OTOGL: variants seen among roughly 807,000 people sequenced by gnomAD.
OTOGL encodes the protein otogelin like, also known as otogelin-like protein.
In OTOGL, 285 loss-of-function variants were observed where a neutral mutation model predicts 318.5. That is an observed-to-expected ratio of 0.89 (90% CI 0.81 to 0.99). The LOEUF (loss-of-function observed/expected upper bound fraction) is 0.99, where lower values mean the gene tolerates loss of function less well. Ranked by LOEUF, OTOGL falls within the 50% of genes least tolerant of loss-of-function variation. OTOGL has a pLI of 0.00. For missense variants in OTOGL, 2,899 were observed against 2,845.6 expected (o/e 1.02, Z -0.43); for synonymous variants, 987 against 936.5 (o/e 1.05, Z -0.99).
At chr12:80,185,818 G>A (rs1034478580) in intron 1 of OTOGL, among the ~76,000 whole-genome samples, 2 of 152,102 alleles carry the variant, frequency 1.3e-5, no homozygotes, top group Non-Finnish European at 2.9e-5. Flanking sequence ...AGTCTATATA[G>A]AAAAATGTAA....
At chr12:80,323,981 A>T in intron 35 of OTOGL, 141 bp downstream of exon 35, 3 of 677,344 alleles carry the variant, frequency 4.4e-6, no homozygotes, top group Non-Finnish European at 5.0e-6. Flanking sequence ...TTTCGCTTAA[A>T]TCAAGAAGTA....
chr12:80,262,068 C>A lies in OTOGL; in HGVS notation c.1989C>A (p.Asp663Glu), dbSNP rs1393312612. Residue 663 changes from aspartate (D) to glutamate (E), a missense_variant, in exon 19 of 59, where the codon GAC becomes GAA. This residue lies in a region of OTOGL where 2,607 missense variants were observed against 2,524.9 expected (regional missense o/e 1.03). Coordinates refer to ENST00000547103, the MANE Select transcript of OTOGL (RefSeq NM_001378609.3). ...CFAPVHVPVVDPCNINQQNIG... is the reference protein window; with the variant it reads ...CFAPVHVPVVEPCNINQQNIG... ...CACCTGTTCATGTCCCAGTGGTGGACCCCTGTAACATCAATCAACAAAACA... is the reference window on the plus strand; with the variant it reads ...CACCTGTTCATGTCCCAGTGGTGGAACCCTGTAACATCAATCAACAAAACA... 2 of 1,611,326 alleles carry A rather than the reference C, an allele frequency of 1.2e-6. No individual in the cohort carries two copies. The highest frequency in any genetic ancestry group is 1.1e-5 in the South Asian group (1 of 90,700).
At chr12:80,376,700 A>T (rs907603887) in intron 57 of OTOGL, among the ~76,000 whole-genome samples, 4 of 152,108 alleles carry the variant, frequency 2.6e-5, no homozygotes, top group South Asian at 4.1e-4. Context: ...CTCAATTTTT[A>T]TTTTAAAATT....
chr12:80,150,112 A>C (rs1176989407), intron 1 of OTOGL, among the ~76,000 whole-genome samples: 1 of 152,194 alleles, frequency 6.6e-6, no homozygotes, highest in Non-Finnish European at 1.5e-5. Flanking sequence ...CAAACCAAAA[A>C]AATGAATGCC....
chr12:80,197,373 C>T (rs1313307591), intron 1 of OTOGL, among the ~76,000 whole-genome samples: 2 of 152,084 alleles, frequency 1.3e-5, no homozygotes, highest in African/African-American at 4.8e-5. Flanking sequence ...ACTACAGGCA[C>T]CTGCCACCAT....
At chr12:80,205,106 A>C (rs1876723111) in intron 1 of OTOGL, among the ~76,000 whole-genome samples, 1 of 152,202 alleles carries the variant, frequency 6.6e-6, no homozygotes, top group Non-Finnish European at 1.5e-5. Context: ...CTCTAAAGTA[A>C]GTACATAAAA....
rs571162323 is a variant in OTOGL at position 80,108,440 on chromosome 12, C to T, written c.-20+8835C>T. The stretch of plus-strand genomic sequence containing the variant: ...TAAGCACTTGAATCATATCAAGAGG[C>T]ATTTGTCCCAAATTGGTGACGTGAA... On this transcript the variant is annotated intron_variant, in intron 1 of 58. Coordinates refer to ENST00000547103, the MANE Select transcript of OTOGL (RefSeq NM_001378609.3). Among the ~76,000 whole-genome samples the T allele has an allele frequency of 3.0e-4, 46 of 151,968 alleles. 1 individual carries two copies. The Middle Eastern group carries it at 0.017, about 57-fold the overall frequency.
intron 26 of OTOGL, among the ~76,000 whole-genome samples, chr12:80,289,364 G>A (rs1183638576): frequency 1.3e-5 from 2 of 152,300 alleles, no homozygotes; most frequent in East Asian, 3.9e-4. Flanking sequence ...CAGTCAGGAG[G>A]CACAGGGGTC....
At position 80,278,412 on chromosome 12, in the gene OTOGL, G is replaced by T. The variant is rs187298223; in HGVS notation, c.2789+137G>T. On this transcript the variant is annotated intron_variant, in intron 25 of 58. Coordinates refer to ENST00000547103, the MANE Select transcript of OTOGL (RefSeq NM_001378609.3). ...GCAAATAATTTAAAGGCCTGCAGGA[G>T]TTGGTGGACAGTTACTATCTGCAGG... 3.4e-4 allele frequency: 228 copies of T among 664,742 alleles called. 2 individuals are homozygous for T. In the East Asian group the frequency reaches 4.2e-3, roughly 12 times the overall value. The allele number at this position is 664,742 out of a possible 1,614,324, so 41.2% of individuals were successfully genotyped here.
At chr12:80,310,485 G>A (rs935263269) in intron 29 of OTOGL, 126 bp from the exon 30 acceptor site, 5 of 625,878 alleles carry the variant, frequency 8.0e-6, no homozygotes, top group Non-Finnish European at 1.4e-5. Context: ...GGTGCTTTAC[G>A]CAAATCCTAT....
intron 27 of OTOGL, among the ~76,000 whole-genome samples, chr12:80,301,654 C>G (rs1885768517): frequency 6.6e-6 from 1 of 152,084 alleles, no homozygotes; most frequent in African/African-American, 2.4e-5. Flanking sequence ...TGCATAACCT[C>G]TTGCAGATCA....
chr12:80,297,270 A>G (rs1350167677), intron 27 of OTOGL, among the ~76,000 whole-genome samples: 2 of 151,064 alleles, frequency 1.3e-5, no homozygotes, highest in Admixed American at 6.6e-5. Context: ...TTCTAGTTTT[A>G]GTCTTTCCCC....
chr12:80,319,460 T>G (rs1887185170), intron 33 of OTOGL, among the ~76,000 whole-genome samples: 1 of 152,210 alleles, frequency 6.6e-6, no homozygotes, highest in African/African-American at 2.4e-5. Context: ...TTAGAATAAA[T>G]TATATATTTC....
At chr12:80,214,079 CA>C (rs1451841440) in intron 4 of OTOGL, among the ~76,000 whole-genome samples, 1 of 152,178 alleles carries the variant, frequency 6.6e-6, no homozygotes, top group African/African-American at 2.4e-5. Context: ...GAGATGTAAT[CA>C]GGAAGGAGGA....
intron 1 of OTOGL, among the ~76,000 whole-genome samples, chr12:80,193,580 T>C (rs924603696): frequency 1.3e-5 from 2 of 152,180 alleles, no homozygotes; most frequent in African/African-American, 4.8e-5. Context: ...CATTCTTTGA[T>C]GAAGGAAATG....
chr12:80,324,197 CAGAG>C (rs1168683135), intron 35 of OTOGL, among the ~76,000 whole-genome samples: 2 of 152,154 alleles, frequency 1.3e-5, no homozygotes, highest in Non-Finnish European at 2.9e-5. Context: ...GTAAGGGAGA[CAGAG>C]AGCATAAGGC....
intron 1 of OTOGL, among the ~76,000 whole-genome samples, chr12:80,099,961 T>C (rs573582891): frequency 6.6e-6 from 1 of 152,322 alleles, no homozygotes; most frequent in East Asian, 1.9e-4. Flanking sequence ...GTGGCTGTTA[T>C]TACTGTTGCT....
rs1388295401 is a variant in OTOGL, at chr12:80,352,361, G to C, written c.5332G>C (p.Asp1778His). ...TACCTATTTTTGGAACTATGAATGTGATGCACTTTCTGCATATGTGGCTCT... is the reference window on the plus strand; with the variant it reads ...TACCTATTTTTGGAACTATGAATGTCATGCACTTTCTGCATATGTGGCTCT... The part of the protein sequence containing the change: ...NYTYFWNYEC[D>H]ALSAYVALCN... The change falls in exon 45 of 59, where the codon GAT becomes CAT. Residue 1778 changes from aspartate (D) to histidine (H), a missense_variant. By Grantham distance (81) the Asp-to-His change is moderately conservative. Coordinates refer to ENST00000547103, the MANE Select transcript of OTOGL (RefSeq NM_001378609.3). 1 of 1,612,322 alleles carries C rather than the reference G, an allele frequency of 6.2e-7. No homozygotes were observed. The highest frequency in any genetic ancestry group is 2.2e-5 in the East Asian group (1 of 44,782).
At chr12:80,348,642 C>G (rs1007401074) in intron 44 of OTOGL, among the ~76,000 whole-genome samples, 1 of 152,136 alleles carries the variant, frequency 6.6e-6, no homozygotes, top group African/African-American at 2.4e-5. Context: ...CTGTATTTCA[C>G]TTAGAGTACA....
Sources: allele counts gnomAD v4.1 joint callset (sites outside exome capture counted in the v4.1 genomes callset), GRCh38; gene constraint gnomAD v4.1.1; regional missense constraint gnomAD v4.1.1; transcripts MANE v1.5; gene names NCBI Gene and HGNC (gene_info 2026-07-23, HGNC 2026-07-21).